ZNF804A: variants seen among roughly 807,000 people sequenced by gnomAD.
ZNF804A encodes the protein zinc finger protein 804A.
In ZNF804A, 2 loss-of-function variants were observed where a neutral mutation model predicts 16.5. The observed-to-expected ratio is 0.12, with a 90% confidence interval of 0.05 to 0.38. The LOEUF (loss-of-function observed/expected upper bound fraction) is 0.38. ZNF804A is among the 10% of genes least tolerant of loss of function. ZNF804A has a pLI of 0.99. For synonymous variants in ZNF804A, 534 were observed against 489.6 expected, an observed-to-expected ratio of 1.09 and a Z score of -1.20; for missense variants, 1,473 against 1,390.7, an observed-to-expected ratio of 1.06 and a Z score of -0.94.
intron 1 of ZNF804A, among the ~76,000 whole-genome samples, chr2:184,802,004 T>C (rs1256310619): frequency 2.6e-5 from 4 of 152,082 alleles, no homozygotes; most frequent in African/African-American, 7.2e-5. Context: ...TCTAGCACCC[T>C]GTTGTCCGGG....
intron 1 of ZNF804A, among the ~76,000 whole-genome samples, chr2:184,753,556 C>T (rs1693908907): frequency 6.6e-6 from 1 of 151,760 alleles, no homozygotes; most frequent in Admixed American, 6.6e-5. Flanking sequence ...TGATACTGTA[C>T]CACTGCTGCT....
In ZNF804A at chr2:184,748,599, T is replaced by A. The variant is rs1184990768; in HGVS notation, c.112-117770T>A. On this transcript the variant is annotated intron_variant, in intron 1 of 3. Coordinates refer to ENST00000302277, the MANE Select transcript of ZNF804A (RefSeq NM_194250.2). Reference sequence around the variant, plus strand: ...GATTGTCTCTTTATTCCACTGATAGTTTTTTAGGCTATGCAGAAGTTCTTA... The same window carrying A: ...GATTGTCTCTTTATTCCACTGATAGATTTTTAGGCTATGCAGAAGTTCTTA... Among the ~76,000 whole-genome samples, 3 of 151,636 alleles carry A rather than the reference T, an allele frequency of 2.0e-5. No homozygotes were observed. The East Asian group carries it at 5.8e-4, about 29-fold the overall frequency.
chr2:184,742,983 G>C (rs1256647536), intron 1 of ZNF804A, among the ~76,000 whole-genome samples: 1 of 151,824 alleles, frequency 6.6e-6, no homozygotes, highest in Non-Finnish European at 1.5e-5. Flanking sequence ...TGTCAATATT[G>C]AGTTTGAAGA....
Position 184,935,791 on chromosome 2 carries a change from G to T in ZNF804A, c.395G>T (p.Gly132Val). The T allele has an allele frequency of 6.2e-7, 1 of 1,602,104 alleles. No homozygotes were observed. The highest frequency in any genetic ancestry group is 8.5e-7 in the Non-Finnish European group (1 of 1,174,354). ...TCTGTTTCTCTCTCTAGTGCTCCTG[G>T]AAGTGGCCCCATGTTCAAATCAACA... ...ELRKETVCAP[G>V]SGPMFKSTTV... The change falls in exon 4 of 4, where the codon GGA (glycine) becomes GTA (valine). Residue 132 changes from glycine (G) to valine (V), a missense_variant. Gly to Val is a moderately radical substitution (Grantham distance 109, BLOSUM62 -3). Coordinates refer to ENST00000302277, the MANE Select transcript of ZNF804A (RefSeq NM_194250.2).
At chr2:184,914,703 T>C (rs1157124210) in intron 2 of ZNF804A, among the ~76,000 whole-genome samples, 1 of 152,084 alleles carries the variant, frequency 6.6e-6, no homozygotes, top group Non-Finnish European at 1.5e-5. Flanking sequence ...TGTAACTATA[T>C]ATACATAACA....
At chr2:184,699,547 A>G (rs1280583878) in intron 1 of ZNF804A, among the ~76,000 whole-genome samples, 3 of 152,098 alleles carry the variant, frequency 2.0e-5, no homozygotes, top group African/African-American at 7.2e-5. Context: ...TATTCACAGT[A>G]TGTAAGTAGT....
At chr2:184,807,169 A>G (rs1207000030) in intron 1 of ZNF804A, among the ~76,000 whole-genome samples, 1 of 151,894 alleles carries the variant, frequency 6.6e-6, no homozygotes, top group Non-Finnish European at 1.5e-5. Context: ...CATTCACTCC[A>G]ATCATATTAC....
chr2:184,918,429 G>C (rs1161807285), intron 2 of ZNF804A, among the ~76,000 whole-genome samples: 1 of 152,158 alleles, frequency 6.6e-6, no homozygotes, highest in Non-Finnish European at 1.5e-5. Flanking sequence ...GTAATAGGGA[G>C]TGTGCCTGTC....
intron 1 of ZNF804A, among the ~76,000 whole-genome samples, chr2:184,680,349 C>A (rs1692519192): frequency 6.6e-6 from 1 of 152,118 alleles, no homozygotes; most frequent in Non-Finnish European, 1.5e-5. Context: ...GAGAACTGAA[C>A]AGATGTCGGG....
At chr2:184,902,539 A>G (rs1355270805) in intron 2 of ZNF804A, 1 of 152,114 alleles carries the variant, frequency 6.6e-6, no homozygotes, top group African/African-American at 2.4e-5. Context: ...CTTTGGGAGG[A>G]CCAGGAGCCT....
intron 1 of ZNF804A, among the ~76,000 whole-genome samples, chr2:184,753,116 A>G (rs950231179): frequency 1.3e-5 from 2 of 151,710 alleles, no homozygotes; most frequent in African/African-American, 4.8e-5. Context: ...CTCTTGGCCC[A>G]GGAGATGACC....
intron 1 of ZNF804A, among the ~76,000 whole-genome samples, chr2:184,602,962 C>T (rs1342976279): frequency 6.6e-6 from 1 of 152,076 alleles, no homozygotes; most frequent in Non-Finnish European, 1.5e-5. Flanking sequence ...CAATTGTCTA[C>T]AGATGTGGAT....
At chr2:184,891,438 A>G (rs1002826304) in intron 2 of ZNF804A, among the ~76,000 whole-genome samples, 3 of 152,172 alleles carry the variant, frequency 2.0e-5, no homozygotes, top group African/African-American at 7.2e-5. Flanking sequence ...ACTTAGTTAA[A>G]ATCATAATGG....
chr2:184,925,023 G>A (rs999121225), intron 2 of ZNF804A, among the ~76,000 whole-genome samples: 5 of 151,916 alleles, frequency 3.3e-5, no homozygotes, highest in Admixed American at 6.6e-5. Context: ...GTAGCTGTTG[G>A]ATGAAATGTG....
intron 1 of ZNF804A, among the ~76,000 whole-genome samples, chr2:184,780,258 CA>C (rs772277119): frequency 2.6e-5 from 4 of 151,708 alleles, no homozygotes; most frequent in Non-Finnish European, 4.4e-5. Context: ...AACAAACAAA[CA>C]AACAAACAAA....
intron 2 of ZNF804A, among the ~76,000 whole-genome samples, chr2:184,911,281 G>A (rs893056453): frequency 1.3e-5 from 2 of 151,764 alleles, no homozygotes; most frequent in South Asian, 2.1e-4. Context: ...GATGACTGCA[G>A]GTGTGCAGCT....
In ZNF804A at chr2:184,939,144, C is replaced by T; in HGVS notation, c.*118C>T. 2.3e-6 allele frequency: 3 copies of T among 1,298,704 alleles called. No homozygotes were observed. The highest frequency in any genetic ancestry group is 3.0e-5 in the South Asian group (2 of 67,238). 80.4% of individuals were successfully genotyped at this position (1,298,704 alleles called of 1,614,324 possible). On this transcript the variant is annotated 3_prime_UTR_variant, in exon 4 of 4. Transcript: ENST00000302277. The stretch of plus-strand genomic sequence containing the variant: ...TGGAAATAAACTGGCCGATACATGG[C>T]GTCATTGGTTTGAAATCATTTACTG...
intron 1 of ZNF804A, among the ~76,000 whole-genome samples, chr2:184,811,984 A>G (rs1162277693): frequency 6.6e-6 from 1 of 152,180 alleles, no homozygotes; most frequent in East Asian, 1.9e-4. Context: ...AACATGGACA[A>G]AGTTTTAAGT....
intron 1 of ZNF804A, among the ~76,000 whole-genome samples, chr2:184,667,154 AC>A (rs1380201880): frequency 2.0e-5 from 3 of 151,932 alleles, no homozygotes; most frequent in African/African-American, 7.2e-5. Flanking sequence ...AGTGCTTTAT[AC>A]TATATTTTAA....
Sources: gnomAD v4.1 joint callset for allele counts (sites outside exome capture counted in the v4.1 genomes callset) on GRCh38, gnomAD v4.1.1 for gene constraint, MANE v1.5 for transcripts, NCBI Gene and HGNC (gene_info 2026-07-23, HGNC 2026-07-21) for gene names.